HDAC9: variants seen among roughly 807,000 people sequenced by gnomAD.
The protein encoded by HDAC9 is MEF-2 interacting transcription repressor (MITR) protein.
A neutral mutation model predicts 139.4 loss-of-function variants in HDAC9; 41 were observed. That is an observed-to-expected ratio of 0.29 (90% confidence interval 0.23 to 0.38). The LOEUF is 0.38. Ranked by LOEUF, HDAC9 falls within the 10% of genes least tolerant of loss-of-function variation. The pLI, the probability that HDAC9 is intolerant of heterozygous loss-of-function variation, is 1.00. For synonymous variants in HDAC9, 517 were observed against 476.2 expected (o/e 1.09, Z -1.12); for missense variants, 1,147 against 1,297.0 (o/e 0.88, Z 1.78).
intron 2 of HDAC9, among the ~76,000 whole-genome samples, chr7:18,510,225 C>T (rs985160424): frequency 2.6e-5 from 4 of 151,986 alleles, no homozygotes; most frequent in Admixed American, 6.6e-5. Context: ...TTATTCTTAA[C>T]GAAGGGAATT....
At chr7:18,581,188 A>G (rs1827719969) in intron 2 of HDAC9, among the ~76,000 whole-genome samples, 1 of 152,104 alleles carries the variant, frequency 6.6e-6, no homozygotes, top group Non-Finnish European at 1.5e-5. Context: ...TGCAAGCACT[A>G]TTGATTTCTT....
At chr7:18,769,404 C>G (rs938062040) in intron 16 of HDAC9, among the ~76,000 whole-genome samples, 3 of 152,098 alleles carry the variant, frequency 2.0e-5, no homozygotes, top group Non-Finnish European at 2.9e-5. Flanking sequence ...TAGAGCTGAC[C>G]TCACCTGGAT....
At chr7:18,889,192 G>C (rs933361537) in intron 22 of HDAC9, among the ~76,000 whole-genome samples, 1 of 151,976 alleles carries the variant, frequency 6.6e-6, no homozygotes, top group East Asian at 1.9e-4. Flanking sequence ...CTCACATCAG[G>C]GTCTTTGCAT....
chr7:18,835,776 G>A (rs1350084037), intron 20 of HDAC9, 124 bp from the exon 21 acceptor site: 10 of 982,996 alleles, frequency 1.0e-5, no homozygotes, highest in Non-Finnish European at 1.6e-5. Flanking sequence ...AGGGAAGGTT[G>A]GGCTGATTTG....
chr7:18,746,718 A>T (rs533897660), intron 13 of HDAC9, among the ~76,000 whole-genome samples: 5,137 of 152,264 alleles, frequency 0.034, 286 homozygotes, highest in African/African-American at 0.12. Context: ...ATTAAAACAT[A>T]TTTTTTGAGG....
At chr7:18,622,762 A>G (rs1170685833) in intron 6 of HDAC9, among the ~76,000 whole-genome samples, 1 of 152,136 alleles carries the variant, frequency 6.6e-6, no homozygotes, top group Non-Finnish European at 1.5e-5. Context: ...TTCAATAAGA[A>G]TGAAGAACTT....
intron 6 of HDAC9, among the ~76,000 whole-genome samples, chr7:18,599,776 G>C (rs1255564573): frequency 6.6e-6 from 1 of 152,120 alleles, no homozygotes; most frequent in African/African-American, 2.4e-5. Flanking sequence ...GTGTGGACAT[G>C]TTTTCAGCTC....
intron 1 of HDAC9, among the ~76,000 whole-genome samples, chr7:18,382,302 T>C (rs1302035906): frequency 2.6e-5 from 4 of 152,204 alleles, no homozygotes; most frequent in Non-Finnish European, 5.9e-5. Flanking sequence ...AACTACTACA[T>C]TTTTAGTAAA....
At chr7:18,151,894 G>A (rs1786807543) in intron 1 of HDAC9, 1 of 152,192 alleles carries the variant, frequency 6.6e-6, no homozygotes, top group Non-Finnish European at 1.5e-5. Context: ...TTTTTAAATT[G>A]TTTCTTGCAA....
intron 22 of HDAC9, among the ~76,000 whole-genome samples, chr7:18,890,695 G>A (rs142453530): frequency 1.2e-4 from 19 of 152,304 alleles, no homozygotes; most frequent in Non-Finnish European, 1.8e-4. Context: ...CATTGTGGTC[G>A]ATTACCTTTT....
chr7:18,308,697 TTACA>T (rs1799093770), intron 1 of HDAC9, among the ~76,000 whole-genome samples: 2 of 152,120 alleles, frequency 1.3e-5, no homozygotes, highest in Admixed American at 6.5e-5. Context: ...AGGATATAAG[TTACA>T]TATATATATA....
At chr7:18,645,584 T>C (rs1017863635) in intron 9 of HDAC9, among the ~76,000 whole-genome samples, 1 of 152,178 alleles carries the variant, frequency 6.6e-6, no homozygotes, top group African/African-American at 2.4e-5. Context: ...ATTGTCATAC[T>C]AGCAGAAGAT....
intron 1 of HDAC9, among the ~76,000 whole-genome samples, chr7:18,112,628 A>G (rs142874737): frequency 3.9e-5 from 6 of 152,214 alleles, no homozygotes; most frequent in African/African-American, 1.2e-4. Context: ...ACAGTTGGCT[A>G]TATGGAATTT....
chr7:18,277,360 C>G (rs1174058322), intron 2 of HDAC9, among the ~76,000 whole-genome samples: 1 of 151,974 alleles, frequency 6.6e-6, no homozygotes, highest in Non-Finnish European at 1.5e-5. Context: ...CCTTTACCAG[C>G]AAAAAGGAGA....
rs79985007 is a variant in HDAC9, at chr7:18,632,923, A to G, written c.797-1704A>G. Among the ~76,000 whole-genome samples, 848 of 152,188 alleles carry G rather than the reference A, an allele frequency of 5.6e-3. 5 individuals carry two copies. Among genetic ancestry groups the G allele is most frequent in the African/African-American group, 0.019 (808 of 41,554 alleles). On this transcript the variant is annotated intron_variant, in intron 7 of 25. Coordinates refer to ENST00000686413, the MANE Select transcript of HDAC9 (RefSeq NM_178425.4). ...GAGTGAGGATGACTCTAGGGTGATG[A>G]AAAAATAGAGATATGCAGGAAACAG...
chr7:18,702,333 T>C (rs777941642), intron 12 of HDAC9, among the ~76,000 whole-genome samples: 2 of 152,184 alleles, frequency 1.3e-5, no homozygotes, highest in Non-Finnish European at 2.9e-5. Flanking sequence ...AAGGAGAACT[T>C]AAGGCACAAA....
At chr7:18,909,425 G>C (rs1192862263) in intron 22 of HDAC9, among the ~76,000 whole-genome samples, 1 of 151,714 alleles carries the variant, frequency 6.6e-6, no homozygotes, top group Non-Finnish European at 1.5e-5. Context: ...TTTTGCTTTT[G>C]TTGCCTGGTG....
At chr7:18,375,969 T>C (rs1162211676) in intron 1 of HDAC9, among the ~76,000 whole-genome samples, 2 of 152,236 alleles carry the variant, frequency 1.3e-5, no homozygotes, top group Non-Finnish European at 2.9e-5. Flanking sequence ...TCCATTGTAA[T>C]AGTTTTTATA....
At chr7:18,385,305 A>T (rs1785813139) in intron 1 of HDAC9, among the ~76,000 whole-genome samples, 1 of 152,102 alleles carries the variant, frequency 6.6e-6, no homozygotes, top group African/African-American at 2.4e-5. Flanking sequence ...TGTATGTTCA[A>T]TAACGTTCTT....
Sources: gnomAD v4.1 joint callset for allele counts (sites outside exome capture counted in the v4.1 genomes callset) on GRCh38, gnomAD v4.1.1 for gene constraint, MANE v1.5 for transcripts, NCBI Gene and HGNC (gene_info 2026-07-23, HGNC 2026-07-21) for gene names.